ABCG4: variants seen among roughly 807,000 people sequenced by gnomAD.
ABCG4 encodes ATP-binding cassette sub-family G member 4.
In ABCG4, 35 loss-of-function variants were observed where a neutral mutation model predicts 64.6. The observed-to-expected ratio is 0.54, with a 90% CI of 0.41 to 0.72. The LOEUF is 0.72. Among genes scored for constraint, ABCG4 ranks in the 30% least tolerant of loss-of-function variants. ABCG4 has a pLI of 0.00. For synonymous variants in ABCG4, 326 were observed against 348.2 expected (o/e 0.94, Z 0.71); for missense variants, 610 against 846.3 (o/e 0.72, Z 3.46).
chr11:119,150,341 C>A lies in ABCG4; in HGVS notation c.238+138C>A. On this transcript the variant is annotated intron_variant, in intron 2 of 14. Coordinates refer to ENST00000619701, the MANE Select transcript of ABCG4 (RefSeq NM_022169.5). This position sits in a 1 kb window ranked among gnomAD's most constrained non-coding sequence, Gnocchi z 4.3. Reference sequence around the variant, plus strand: ...GAAACACTAAAATCTGGGCCCCAGCCCGTTGCTCACTGTGCACTCTTGGGG... The same window carrying A: ...GAAACACTAAAATCTGGGCCCCAGCACGTTGCTCACTGTGCACTCTTGGGG... 8.1e-7 allele frequency: 1 copy of A among 1,237,548 alleles called. No homozygotes were observed. The highest frequency in any genetic ancestry group is 1.1e-6 in the Non-Finnish European group (1 of 895,848). The allele number at this position is 1,237,548 out of a possible 1,614,324, so 76.7% of individuals were successfully genotyped here. A position where few individuals can be genotyped will look rare whatever the true frequency, so the allele number is the denominator to read the frequency against.
At chr11:119,151,939 A>G (rs949993531) in intron 2 of ABCG4, among the ~76,000 whole-genome samples, 2 of 152,248 alleles carry the variant, frequency 1.3e-5, no homozygotes, top group African/African-American at 4.8e-5. Context: ...AACAGGGATG[A>G]TAAGAATACA....
In ABCG4 at chr11:119,150,018, T is replaced by C. The variant is rs535425291; in HGVS notation, c.53T>C (p.Val18Ala). 1.2e-6 allele frequency: 2 copies of C among 1,612,578 alleles called. No homozygotes were observed. Among genetic ancestry groups the C allele is most frequent in the African/African-American group, 1.3e-5 (1 of 74,978 alleles). Residue 18 changes from valine (V) to alanine (A), a missense_variant, in exon 2 of 15, where the codon GTG (valine) becomes GCG (alanine). By Grantham distance (64) the Val-to-Ala change is moderately conservative. Coordinates refer to ENST00000619701, the MANE Select transcript of ABCG4 (RefSeq NM_022169.5). The surrounding 1 kb of genome is among the most constrained non-coding windows in gnomAD (Gnocchi z 4.3). Reference protein sequence around the residue: ...AVGCGLGPGAVAMAVTLEDGA... With the variant: ...AVGCGLGPGAAAMAVTLEDGA... ...GGCTGTGGACTAGGGCCGGGGGCTGTGGCCATGGCCGTGACGCTGGAGGAC... is the reference window on the plus strand; with the variant it reads ...GGCTGTGGACTAGGGCCGGGGGCTGCGGCCATGGCCGTGACGCTGGAGGAC...
chr11:119,160,962 C>T lies in ABCG4; in HGVS notation c.1797C>T (p.Phe599=). The change falls in exon 15 of 15, where the codon TTC becomes TTT. Residue 599 remains phenylalanine (F), a synonymous_variant. Coordinates refer to ENST00000619701, the MANE Select transcript of ABCG4 (RefSeq NM_022169.5). This position sits in a 1 kb window ranked among gnomAD's most constrained non-coding sequence, Gnocchi z 4.6. The part of the protein sequence containing the change: ...DLTCLEERCP[F]REPQSILRAL... The stretch of plus-strand genomic sequence containing the variant: ...CATGTTTAGAGGAACGCTGCCCGTT[C>T]CGGGAGCCACAGAGCATCCTCCGAG... 2 of 1,614,080 alleles carry T rather than the reference C, an allele frequency of 1.2e-6. No homozygotes were observed. The highest frequency in any genetic ancestry group is 2.2e-5 in the South Asian group (2 of 91,076).
rs1948248029 is a variant in ABCG4 at position 119,155,035 on chromosome 11, T to C, written c.686+120T>C. ...TGTTCACAGCCTCCTGGGGCCAAGA[T>C]AAGGGCTTCTTCCTCATCTCCACCC... On this transcript the variant is annotated intron_variant, in intron 6 of 14. Transcript: ENST00000619701. The surrounding 1 kb of genome is among the most constrained non-coding windows in gnomAD (Gnocchi z 4.5). 7.2e-7 allele frequency: 1 copy of C among 1,386,932 alleles called. No individual in the cohort carries two copies. Among genetic ancestry groups the C allele is most frequent in the Non-Finnish European group, 9.8e-7 (1 of 1,022,560 alleles). 85.9% of individuals were successfully genotyped at this position (1,386,932 alleles called of 1,614,324 possible). A position where few individuals can be genotyped will look rare whatever the true frequency, so the allele number is the denominator to read the frequency against.
In ABCG4 at chr11:119,161,439, G is replaced by C; in HGVS notation, c.*333G>C. The C allele has an allele frequency of 4.0e-6, 1 of 247,158 alleles. No homozygotes were observed. The highest frequency in any genetic ancestry group is 9.9e-5 in the East Asian group (1 of 10,084). The allele number at this position is 247,158 out of a possible 1,614,324, so 15.3% of individuals were successfully genotyped here. On this transcript the variant is annotated 3_prime_UTR_variant, in exon 15 of 15. Coordinates refer to ENST00000619701, the MANE Select transcript of ABCG4 (RefSeq NM_022169.5). ...GCACCCTCCTCTGCTGTCTGCCTGG[G>C]AGCCCTAGGCTCTCTAGGGCCCCAC...
Position 119,156,634 on chromosome 11 carries a change from G to T in ABCG4, c.881G>T (p.Gly294Val). 6.2e-7 allele frequency: 1 copy of T among 1,614,132 alleles called. No individual in the cohort carries two copies. Among genetic ancestry groups the T allele is most frequent in the South Asian group, 1.1e-5 (1 of 91,082 alleles). The change falls in exon 8 of 15, where the codon GGA (glycine) becomes GTA (valine). Residue 294 changes from glycine to valine, a missense_variant. Transcript: ENST00000619701. The surrounding 1 kb of genome is among the most constrained non-coding windows in gnomAD (Gnocchi z 5.5). ...ACCAACCTGATCCCCTATCTAAAGGGACTCGGCTTGCATTGCCCCACCTAC... is the reference window on the plus strand; with the variant it reads ...ACCAACCTGATCCCCTATCTAAAGGTACTCGGCTTGCATTGCCCCACCTAC... ...VVTNLIPYLK[G>V]LGLHCPTYHN... is the part of the protein sequence containing the mutation.
rs1044693978 is a variant in ABCG4 at position 119,161,490 on chromosome 11, C to T, written c.*384C>T. ...TTACAACTGACCAAAGTGGCCCCCTCTGGGGGTCCCCACCACACAAGTGTT... is the reference window on the plus strand; with the variant it reads ...TTACAACTGACCAAAGTGGCCCCCTTTGGGGGTCCCCACCACACAAGTGTT... On this transcript the variant is annotated 3_prime_UTR_variant, in exon 15 of 15. Coordinates refer to ENST00000619701, the MANE Select transcript of ABCG4 (RefSeq NM_022169.5). 1 of 178,636 alleles carries T rather than the reference C, an allele frequency of 5.6e-6. No homozygotes were observed. The highest frequency in any genetic ancestry group is 1.3e-4 in the South Asian group (1 of 7,538). The allele number at this position is 178,636 out of a possible 1,614,324, so 11.1% of individuals were successfully genotyped here.
chr11:119,158,635 G>A lies in ABCG4; in HGVS notation c.1246G>A (p.Asp416Asn), dbSNP rs751687769. The A allele has an allele frequency of 3.1e-6, 5 of 1,614,110 alleles. No homozygotes were observed. Among genetic ancestry groups the A allele is most frequent in the South Asian group, 2.2e-5 (2 of 91,086 alleles). ...IGLLYLHIGD[D>N]ASKVFNNTGC... ...CCTCCTCTACCTGCATATTGGCGAC[G>A]ATGCCAGCAAGGTCTTCAACAACAC... is the stretch of plus-strand genomic sequence containing the variant. Residue 416 changes from aspartate (D) to asparagine (N), a missense_variant, in exon 11 of 15, where the codon GAT becomes AAT. Physicochemically the swap from Asp to Asn is conservative, Grantham distance 23. Coordinates refer to ENST00000619701, the MANE Select transcript of ABCG4 (RefSeq NM_022169.5). The surrounding 1 kb of genome is among the most constrained non-coding windows in gnomAD (Gnocchi z 4.5).
chr11:119,157,020 T>C lies in ABCG4; in HGVS notation c.1068+6T>C, dbSNP rs1438107020. On this transcript the variant is annotated splice_donor_region_variant and intron_variant, in intron 9 of 14. Transcript: ENST00000619701. ...CATGCCCTCCTTGTCCTCCGGTGAG[T>C]AGGGGTGGAGAGGGCAGAGCAGGCA... 4 of 1,599,590 alleles carry C rather than the reference T, an allele frequency of 2.5e-6. No individual in the cohort carries two copies. The Admixed American group carries it at 6.9e-5, about 28-fold the overall frequency.
chr11:119,154,565 A>T lies in ABCG4; in HGVS notation c.530A>T (p.Lys177Met). ...AAGCTGAGTGAGAAGCAGGAGGTGA[A>T]GAAGGAGCTGGTGAGTGGGGAAGGG... ...NLKLSEKQEV[K>M]KELVTEILTA... The change falls in exon 5 of 15, where the codon AAG (lysine) becomes ATG (methionine). Residue 177 changes from lysine (K) to methionine (M), a missense_variant. By Grantham distance (95) the Lys-to-Met change is moderately conservative (BLOSUM62 -1). Transcript: ENST00000619701. This position sits in a 1 kb window ranked among gnomAD's most constrained non-coding sequence, Gnocchi z 7.0. The T allele has an allele frequency of 6.2e-7, 1 of 1,613,492 alleles. No individual in the cohort carries two copies. The highest frequency in any genetic ancestry group is 8.5e-7 in the Non-Finnish European group (1 of 1,179,788).
In ABCG4 at chr11:119,154,425, A is replaced by T. The variant is rs1405074157; in HGVS notation, c.489+33A>T. 6.2e-7 allele frequency: 1 copy of T among 1,614,002 alleles called. No individual in the cohort carries two copies. The highest frequency in any genetic ancestry group is 1.6e-4 in the Middle Eastern group (1 of 6,084). On this transcript the variant is annotated intron_variant, in intron 4 of 14. Coordinates refer to ENST00000619701, the MANE Select transcript of ABCG4 (RefSeq NM_022169.5). The surrounding 1 kb of genome is among the most constrained non-coding windows in gnomAD (Gnocchi z 7.0). ...CTGGATAGTCACCCCTCCTCCCAGCAACCCCCTCTGTCTGCTGTCGCCACC... is the reference window on the plus strand; with the variant it reads ...CTGGATAGTCACCCCTCCTCCCAGCTACCCCCTCTGTCTGCTGTCGCCACC...
chr11:119,151,765 A>C (rs1027435688), intron 2 of ABCG4, among the ~76,000 whole-genome samples: 3 of 152,242 alleles, frequency 2.0e-5, no homozygotes, highest in African/African-American at 7.2e-5. Context: ...AAAGAGAGCT[A>C]CTGACGGCGG....
intron 2 of ABCG4, among the ~76,000 whole-genome samples, chr11:119,152,352 C>T (rs1029283984): frequency 4.6e-5 from 7 of 152,162 alleles, no homozygotes; most frequent in Admixed American, 3.3e-4. Context: ...GACCTGGCAG[C>T]GGGCAGGAGC....
In ABCG4 at chr11:119,149,689, G is replaced by C; in HGVS notation, c.-12-265G>C. 1.9e-6 allele frequency: 1 copy of C among 532,216 alleles called. No individual in the cohort carries two copies. The highest frequency in any genetic ancestry group is 3.3e-6 in the Non-Finnish European group (1 of 298,804). 33.0% of individuals were successfully genotyped at this position (532,216 alleles called of 1,614,324 possible). On this transcript the variant is annotated intron_variant, in intron 1 of 14. Transcript: ENST00000619701. The surrounding 1 kb of genome is among the most constrained non-coding windows in gnomAD (Gnocchi z 8.3). ...TCCCCAGGGGCTGCTGGCCTGCGGG[G>C]TAAGGAGATTAGAGAAGCCGCCGGG... is the stretch of plus-strand genomic sequence containing the variant.
Position 119,150,777 on chromosome 11 carries a change from C to T in ABCG4, c.238+574C>T, listed in dbSNP as rs918059895. Among the ~76,000 whole-genome samples, 3 of 152,142 alleles carry T rather than the reference C, an allele frequency of 2.0e-5. No homozygotes were observed. The highest frequency in any genetic ancestry group is 6.5e-5 in the Admixed American group (1 of 15,270). ...AGTGGTAGAGCTGAGACCAGAAGCC[C>T]GGTTTCCCAGCTCTCCATGCATTGT... On this transcript the variant is annotated intron_variant, in intron 2 of 14. Coordinates refer to ENST00000619701, the MANE Select transcript of ABCG4 (RefSeq NM_022169.5). This position sits in a 1 kb window ranked among gnomAD's most constrained non-coding sequence, Gnocchi z 4.3.
rs1167813458 is a variant in ABCG4, at chr11:119,160,333, T to G, written c.1544T>G (p.Leu515Trp). 3.1e-6 allele frequency: 5 copies of G among 1,613,612 alleles called. No homozygotes were observed. The highest frequency in any genetic ancestry group is 1.7e-5 in the Admixed American group (1 of 60,012). The change falls in exon 13 of 15, where the codon TTG becomes TGG. Residue 515 changes from leucine (L) to tryptophan (W), a missense_variant. Physicochemically the swap from Leu to Trp is moderately conservative, Grantham distance 61 (BLOSUM62 -2). Coordinates refer to ENST00000619701, the MANE Select transcript of ABCG4 (RefSeq NM_022169.5). This position sits in a 1 kb window ranked among gnomAD's most constrained non-coding sequence, Gnocchi z 4.6. Reference protein sequence around the residue: ...LFSALATATALVAQSLGLLIG... With the variant: ...LFSALATATAWVAQSLGLLIG... Reference sequence around the variant, plus strand: ...TCAGCCCTGGCCACCGCCACCGCCTTGGTGGCCCAATCTTTGGGGCTGCTG... The same window carrying G: ...TCAGCCCTGGCCACCGCCACCGCCTGGGTGGCCCAATCTTTGGGGCTGCTG...
At position 119,149,411 on chromosome 11, in the gene ABCG4, G is replaced by A. The variant is rs1432244081; in HGVS notation, c.-13+48G>A. 6.6e-6 allele frequency: 1 copy of A among 152,406 alleles called. No homozygotes were observed. Among genetic ancestry groups the A allele is most frequent in the Admixed American group, 6.5e-5 (1 of 15,374 alleles). The allele number at this position is 152,406 out of a possible 1,614,324, so 9.4% of individuals were successfully genotyped here. ...GGGCGGGGGCTTGAGCTGCCGTGGG[G>A]CGCTTAGTTTTGAGTCCGGGTGGTG... On this transcript the variant is annotated intron_variant, in intron 1 of 14. Coordinates refer to ENST00000619701, the MANE Select transcript of ABCG4 (RefSeq NM_022169.5). The surrounding 1 kb of genome is among the most constrained non-coding windows in gnomAD (Gnocchi z 8.3).
Position 119,161,097 on chromosome 11 carries a change from A to G in ABCG4, c.1932A>G (p.Ser644=). ...AYLVLRYRVK[S]ER ...TTGTGCTGCGTTACCGGGTCAAGTCAGAGAGATAGAGGCTTGCCCCAGCCT... is the reference window on the plus strand; with the variant it reads ...TTGTGCTGCGTTACCGGGTCAAGTCGGAGAGATAGAGGCTTGCCCCAGCCT... Residue 644 remains serine, a synonymous_variant, in exon 15 of 15, where the codon TCA becomes TCG. Transcript: ENST00000619701. 2 of 1,613,320 alleles carry G rather than the reference A, an allele frequency of 1.2e-6. No homozygotes were observed. Among genetic ancestry groups the G allele is most frequent in the Non-Finnish European group, 1.7e-6 (2 of 1,179,718 alleles).
chr11:119,156,797 C>A lies in ABCG4; in HGVS notation c.926-75C>A. Reference sequence around the variant, plus strand: ...CTCACCGTCGCCTGCCTTCCCCACACACCCAAGGCGGGACTGACTTGCCCT... The same window carrying A: ...CTCACCGTCGCCTGCCTTCCCCACAAACCCAAGGCGGGACTGACTTGCCCT... On this transcript the variant is annotated intron_variant, in intron 8 of 14. Coordinates refer to ENST00000619701, the MANE Select transcript of ABCG4 (RefSeq NM_022169.5). This position sits in a 1 kb window ranked among gnomAD's most constrained non-coding sequence, Gnocchi z 5.5. The A allele has an allele frequency of 6.3e-7, 1 of 1,587,776 alleles. No individual in the cohort carries two copies. The highest frequency in any genetic ancestry group is 8.6e-7 in the Non-Finnish European group (1 of 1,161,430).
Sources: gnomAD v4.1 joint callset for allele counts (sites outside exome capture counted in the v4.1 genomes callset) on GRCh38, gnomAD v4.1.1 for gene constraint, Gnocchi (gnomAD v3.1) non-coding constraint, MANE v1.5 for transcripts, NCBI Gene and HGNC (gene_info 2026-07-23, HGNC 2026-07-21) for gene names.